The following WASF3 variants were observed in gnomAD, a reference collection of about 807,000 sequenced individuals.
WASF3 encodes the protein WASP family member 3.
A neutral mutation model predicts 46.6 loss-of-function variants in WASF3; 11 were observed. That is an observed-to-expected ratio of 0.24 (90% CI 0.15 to 0.39). The LOEUF (loss-of-function observed/expected upper bound fraction) is 0.39, where lower values mean the gene tolerates loss of function less well. Ranked by LOEUF, WASF3 falls within the 10% of genes least tolerant of loss-of-function variation. WASF3 has a pLI of 1.00. For missense variants in WASF3, 576 were observed against 669.8 expected (o/e 0.86, Z 1.55); for synonymous variants, 242 against 259.7 (o/e 0.93, Z 0.65).
chr13:26,633,948 G>A (rs558145301), intron 2 of WASF3, among the ~76,000 whole-genome samples: 2 of 152,290 alleles, frequency 1.3e-5, no homozygotes, highest in South Asian at 4.1e-4. Flanking sequence ...ATGTGGTGCT[G>A]AGAAGAATGT....
chr13:26,629,785 T>G (rs924834330), intron 2 of WASF3, among the ~76,000 whole-genome samples: 3 of 152,160 alleles, frequency 2.0e-5, no homozygotes, highest in African/African-American at 7.2e-5. Flanking sequence ...TAGTTTGAAT[T>G]AATAACTTGA....
chr13:26,564,287 G>A (rs1173240583), intron 1 of WASF3, among the ~76,000 whole-genome samples: 1 of 152,206 alleles, frequency 6.6e-6, no homozygotes, highest in African/African-American at 2.4e-5. Flanking sequence ...TATATAATCT[G>A]TGCATAGCAT....
chr13:26,591,078 C>CAA (rs1483318795), intron 1 of WASF3, among the ~76,000 whole-genome samples: 1 of 151,038 alleles, frequency 6.6e-6, no homozygotes, highest in Admixed American at 6.6e-5. Context: ...GTAGCAAGTG[C>CAA]AAAGGTCTTG....
chr13:26,669,640 A>G (rs1370083755), intron 5 of WASF3, among the ~76,000 whole-genome samples: 3 of 152,024 alleles, frequency 2.0e-5, no homozygotes, highest in African/African-American at 4.8e-5. Context: ...CAGCCTCCCA[A>G]GTAGTTGGGA....
At chr13:26,562,031 T>TA (rs778187737) in intron 1 of WASF3, among the ~76,000 whole-genome samples, 5 of 152,362 alleles carry the variant, frequency 3.3e-5, no homozygotes, top group African/African-American at 1.2e-4. Flanking sequence ...ATTAAGTACT[T>TA]ACGTTTTTAA....
In WASF3 at chr13:26,679,938, A is replaced by T; in HGVS notation, c.717-1116A>T. ...TTCTGTGCCACATGGTGCCCCAGTT[A>T]AGAAAAGCTACCAACTGGAATCCCA... On this transcript the variant is annotated intron_variant, in intron 7 of 9. Transcript: ENST00000335327. The surrounding 1 kb of genome is among the most constrained non-coding windows in gnomAD (Gnocchi z 4.8). 7.0e-7 allele frequency: 1 copy of T among 1,433,760 alleles called. No individual in the cohort carries two copies. The highest frequency in any genetic ancestry group is 9.4e-7 in the Non-Finnish European group (1 of 1,068,660). 88.8% of individuals were successfully genotyped at this position (1,433,760 alleles called of 1,614,324 possible).
At chr13:26,609,328 G>C (rs1880900366) in intron 1 of WASF3, 1 of 152,240 alleles carries the variant, frequency 6.6e-6, no homozygotes, top group South Asian at 2.1e-4. Context: ...TCTCTCATCA[G>C]ACTACAGAGA....
chr13:26,663,711 G>A (rs563601904), intron 3 of WASF3, among the ~76,000 whole-genome samples: 6 of 152,230 alleles, frequency 3.9e-5, no homozygotes, highest in South Asian at 2.1e-4. Context: ...CAGTGTCTAG[G>A]TGTAACCATT....
At chr13:26,556,363 G>T (rs1251686874), upstream of WASF3, among the ~76,000 whole-genome samples, 1 of 152,182 alleles carries the variant, frequency 6.6e-6, no homozygotes, top group Non-Finnish European at 1.5e-5. Flanking sequence ...AAGTGAAGAT[G>T]AAATGAAGGA....
At position 26,667,467 on chromosome 13, in the gene WASF3, A is replaced by G. The variant is rs773690969; in HGVS notation, c.269-50A>G. ...AGTCAAATGGTATTTACTTCTAAAC[A>G]GTTAAAAATATTTCTATATAACTCA... On this transcript the variant is annotated intron_variant, in intron 4 of 9. Transcript: ENST00000335327. 8.5e-6 allele frequency: 13 copies of G among 1,531,100 alleles called. No individual in the cohort carries two copies. In the South Asian group the frequency reaches 1.5e-4, roughly 17 times the overall value. 94.8% of individuals were successfully genotyped at this position (1,531,100 alleles called of 1,614,324 possible).
At chr13:26,577,581 G>A (rs1450563766) in intron 1 of WASF3, 3 of 1,133,640 alleles carry the variant, frequency 2.6e-6, no homozygotes, top group Non-Finnish European at 4.0e-6. Context: ...GAGCTTCATG[G>A]TGAAGGCAGT....
At position 26,633,200 on chromosome 13, in the gene WASF3, CTTTTTTT is replaced by C. The variant is rs58237286; in HGVS notation, c.-10-9051_-10-9045del. On this transcript the variant is annotated intron_variant, in intron 2 of 9. Transcript: ENST00000335327. Reference sequence around the variant, plus strand: ...AGTTCTGTTTTGATCTTAGTTATTTCTTTTTTTTTTTTTTTTCTTGAGGCAGAGTTTT... The same window carrying C: ...AGTTCTGTTTTGATCTTAGTTATTTCTTTTTTTTTCTTGAGGCAGAGTTTT... Among the ~76,000 whole-genome samples the C allele has an allele frequency of 8.8e-3, 796 of 90,436 alleles. 20 individuals carry two copies. Among genetic ancestry groups the C allele is most frequent in the African/African-American group, 0.031 (753 of 24,172 alleles). The allele number at this position is 90,436 out of a possible 152,430, so 59.3% of individuals were successfully genotyped here.
At chr13:26,656,012 C>G (rs1882454804) in intron 3 of WASF3, among the ~76,000 whole-genome samples, 1 of 152,114 alleles carries the variant, frequency 6.6e-6, no homozygotes. Context: ...AAGCCAAAAT[C>G]TTGTCAAACC....
At chr13:26,651,386 TAAA>T (rs776531815) in intron 3 of WASF3, among the ~76,000 whole-genome samples, 1 of 151,888 alleles carries the variant, frequency 6.6e-6, no homozygotes, top group Non-Finnish European at 1.5e-5. Flanking sequence ...GAGAAAATCT[TAAA>T]AGAAGAAAGA....
At chr13:26,646,831 T>C in intron 3 of WASF3, among the ~76,000 whole-genome samples, 1 of 152,298 alleles carries the variant, frequency 6.6e-6, no homozygotes, top group East Asian at 1.9e-4. Flanking sequence ...GGGAGTTTCT[T>C]TGGTCTTTTC....
In WASF3 at chr13:26,679,987, T is replaced by C; in HGVS notation, c.717-1067T>C. 6.4e-7 allele frequency: 1 copy of C among 1,571,556 alleles called. No individual in the cohort carries two copies. The highest frequency in any genetic ancestry group is 1.2e-5 in the South Asian group (1 of 86,798). On this transcript the variant is annotated intron_variant, in intron 7 of 9. Coordinates refer to ENST00000335327, the MANE Select transcript of WASF3 (RefSeq NM_006646.6). This position sits in a 1 kb window ranked among gnomAD's most constrained non-coding sequence, Gnocchi z 4.8. ...CAAAGATGGAAATGCAGCGTGCATC[T>C]TCCCTGCTCCCTCAGCACCCCCAAT...
At chr13:26,655,864 C>T (rs2137442532) in intron 3 of WASF3, among the ~76,000 whole-genome samples, 1 of 152,240 alleles carries the variant, frequency 6.6e-6, no homozygotes, top group South Asian at 2.1e-4. Flanking sequence ...GACATCTCCC[C>T]ACCAATCTCG....
chr13:26,589,707 A>G (rs973609154), intron 1 of WASF3, among the ~76,000 whole-genome samples: 2 of 152,170 alleles, frequency 1.3e-5, no homozygotes, highest in Admixed American at 1.3e-4. Flanking sequence ...TGTGAACTTA[A>G]AATAAAATAA....
At chr13:26,685,535 T>G (rs1343564466) in intron 9 of WASF3, among the ~76,000 whole-genome samples, 153 bp from the exon 10 acceptor site, 3 of 152,250 alleles carry the variant, frequency 2.0e-5, no homozygotes, top group Non-Finnish European at 4.4e-5. Context: ...ATGAAACTTT[T>G]AATATTCCCT....
Sources: gnomAD v4.1 joint callset for allele counts (sites outside exome capture counted in the v4.1 genomes callset) on GRCh38, gnomAD v4.1.1 for gene constraint, Gnocchi (gnomAD v3.1) non-coding constraint, MANE v1.5 for transcripts, NCBI Gene and HGNC (gene_info 2026-07-23, HGNC 2026-07-21) for gene names.